SLC17A2: variants seen among roughly 807,000 people sequenced by gnomAD.
The protein encoded by SLC17A2 is sodium-dependent phosphate transport protein 3.
In SLC17A2, 38 loss-of-function variants were observed where a neutral mutation model predicts 52.1. The observed-to-expected ratio is 0.73, with a 90% CI of 0.56 to 0.96. SLC17A2 has a LOEUF of 0.96. Ranked by LOEUF, SLC17A2 falls within the 40% of genes least tolerant of loss-of-function variation. The pLI is 0.00. For synonymous variants in SLC17A2, 226 were observed against 211.9 expected, an observed-to-expected ratio of 1.07 and a Z score of -0.58; for missense variants, 508 against 583.9, an observed-to-expected ratio of 0.87 and a Z score of 1.34.
At chr6:25,918,447 A>G in intron 6 of SLC17A2, 40 bp downstream of exon 6, 1 of 1,388,090 alleles carries the variant, frequency 7.2e-7, no homozygotes, top group Non-Finnish European at 1.0e-6. Context: ...ATGGATGCTC[A>G]GGAAATGGAG....
chr6:25,923,480 T>G lies in SLC17A2; in HGVS notation c.240+215A>C, dbSNP rs147131491. Among the ~76,000 whole-genome samples the G allele has an allele frequency of 7.0e-3, 1,066 of 152,332 alleles. 16 individuals carry two copies. The highest frequency in any genetic ancestry group is 0.023 in the African/African-American group (966 of 41,572). On this transcript the variant is annotated intron_variant, in intron 3 of 11. Coordinates refer to ENST00000377850, the MANE Select transcript of SLC17A2 (RefSeq NM_001286123.3). ...TGTTCCATTTTTAAATTTTTCACAT[T>G]TAACTCTACAGTTCCCCCACCTTAT... is the stretch of plus-strand genomic sequence containing the variant.
intron 11 of SLC17A2, 73 bp downstream of exon 11, chr6:25,914,507 T>C (rs1261102093): frequency 4.3e-6 from 4 of 939,320 alleles, no homozygotes; most frequent in African/African-American, 1.6e-5. Flanking sequence ...TCCAGATCTT[T>C]AGAGCACCGT....
At position 25,915,566 on chromosome 6, in the gene SLC17A2, G is replaced by A. The variant is rs1766278367; in HGVS notation, c.1144C>T (p.Leu382Phe). The change falls in exon 10 of 12, where the codon CTT becomes TTT. Residue 382 changes from leucine (L) to phenylalanine (F), a missense_variant. Coordinates refer to ENST00000377850, the MANE Select transcript of SLC17A2 (RefSeq NM_001286123.3). The stretch of plus-strand genomic sequence containing the variant: ...CATAGGTTACTGGTCCCAGGAATAA[G>A]TATCAGCAAAATAATGGTTATCACG... Reference protein sequence around the residue: ...SYVITIILLILIPGTSNLCDS... With the variant: ...SYVITIILLIFIPGTSNLCDS... 6.2e-7 allele frequency: 1 copy of A among 1,602,590 alleles called. No individual in the cohort carries two copies. Among genetic ancestry groups the A allele is most frequent in the African/African-American group, 1.3e-5 (1 of 74,650 alleles).
intron 6 of SLC17A2, among the ~76,000 whole-genome samples, chr6:25,917,667 T>C (rs1433700862): frequency 6.6e-6 from 1 of 152,246 alleles, no homozygotes; most frequent in Non-Finnish European, 1.5e-5. Context: ...AGGCCAGGAC[T>C]ATATTTAATG....
intron 5 of SLC17A2, 67 bp from the exon 6 acceptor site, chr6:25,918,640 A>G: frequency 1.0e-6 from 1 of 1,002,036 alleles, no homozygotes; most frequent in Non-Finnish European, 1.6e-6. Flanking sequence ...GCCTCCCTAA[A>G]CAATGTCCCA....
intron 2 of SLC17A2, among the ~76,000 whole-genome samples, chr6:25,924,467 T>C (rs1766679308): frequency 6.6e-6 from 1 of 151,994 alleles, no homozygotes; most frequent in Non-Finnish European, 1.5e-5. Flanking sequence ...GAAATGTTAT[T>C]GCTATGTGTC....
At chr6:25,913,870 G>C (rs1766200053) in intron 11 of SLC17A2, among the ~76,000 whole-genome samples, 1 of 151,306 alleles carries the variant, frequency 6.6e-6, no homozygotes, top group South Asian at 2.1e-4. Context: ...AATTCAACAT[G>C]AGTTCTCTTT....
chr6:25,923,537 T>C (rs905583936), intron 3 of SLC17A2, among the ~76,000 whole-genome samples, 158 bp downstream of exon 3: 2 of 152,242 alleles, frequency 1.3e-5, no homozygotes, highest in African/African-American at 4.8e-5. Context: ...ATCTTATTTT[T>C]ATTATTGAAG....
chr6:25,925,611 G>A (rs529709934), intron 2 of SLC17A2, among the ~76,000 whole-genome samples, 158 bp downstream of exon 2: 1 of 152,114 alleles, frequency 6.6e-6, no homozygotes, highest in Non-Finnish European at 1.5e-5. Context: ...GATTTCATGG[G>A]GCTAAGGAAA....
intron 5 of SLC17A2, among the ~76,000 whole-genome samples, chr6:25,919,727 A>AAAAG (rs1766478124): frequency 8.3e-5 from 12 of 144,282 alleles, no homozygotes; most frequent in African/African-American, 3.1e-4. Context: ...AAAAAAAAAA[A>AAAAG]GGTTTAGGAA....
intron 3 of SLC17A2, 80 bp downstream of exon 3, chr6:25,923,615 T>C: frequency 2.8e-6 from 3 of 1,063,246 alleles, no homozygotes; most frequent in Non-Finnish European, 4.3e-6. Context: ...TATACTTCCA[T>C]ACTCCACAGA....
intron 2 of SLC17A2, 90 bp downstream of exon 2, chr6:25,925,679 G>T: frequency 8.4e-7 from 1 of 1,191,626 alleles, no homozygotes; most frequent in Non-Finnish European, 1.3e-6. Context: ...GTATCTTTAC[G>T]AAGGGTCAGT....
At position 25,918,586 on chromosome 6, in the gene SLC17A2, G is replaced by A; in HGVS notation, c.563-13C>T. 2 of 1,585,198 alleles carry A rather than the reference G, an allele frequency of 1.3e-6. No individual in the cohort carries two copies. The highest frequency in any genetic ancestry group is 2.2e-5 in the South Asian group (2 of 90,426). ...CCAAATGCTGACCCTAAAGGAAAAA[G>A]GGAGAAAAACACTTATGAAAATATC... On this transcript the variant is annotated splice_polypyrimidine_tract_variant and intron_variant, in intron 5 of 11. Coordinates refer to ENST00000377850, the MANE Select transcript of SLC17A2 (RefSeq NM_001286123.3).
chr6:25,919,624 C>T (rs746174815), intron 5 of SLC17A2, among the ~76,000 whole-genome samples: 2 of 133,782 alleles, frequency 1.5e-5, no homozygotes, highest in African/African-American at 2.9e-5. Flanking sequence ...GGCGTGAACC[C>T]GGGAGGCGGA....
chr6:25,925,296 G>A (rs1766718431), intron 2 of SLC17A2, among the ~76,000 whole-genome samples: 1 of 152,044 alleles, frequency 6.6e-6, no homozygotes, highest in Admixed American at 6.6e-5. Context: ...GGTGGATCAC[G>A]AGGTCAGGAG....
intron 10 of SLC17A2, among the ~76,000 whole-genome samples, chr6:25,915,149 G>GTATATATATATATATATA (rs59580107): frequency 0.031 from 1,804 of 57,406 alleles, 175 homozygotes; most frequent in African/African-American, 0.046. Context: ...TATTGTGACT[G>GTATATATATATATATATA]TATATATATA....
intron 11 of SLC17A2, 102 bp from the exon 12 acceptor site, chr6:25,913,553 T>C: frequency 8.6e-7 from 1 of 1,157,488 alleles, no homozygotes; most frequent in Non-Finnish European, 1.2e-6. Flanking sequence ...TCACAAGGAA[T>C]ATAAGGAACA....
chr6:25,914,173 A>G (rs1766211380), intron 11 of SLC17A2, among the ~76,000 whole-genome samples: 1 of 152,182 alleles, frequency 6.6e-6, no homozygotes, highest in South Asian at 2.1e-4. Context: ...AAACTGGCCT[A>G]GGACACTTTG....
rs1334647652 is a variant in SLC17A2, at chr6:25,913,401, G to A, written c.1353C>T (p.Asn451=). 1.2e-6 allele frequency: 2 copies of A among 1,614,072 alleles called. No homozygotes were observed. Among genetic ancestry groups the A allele is most frequent in the South Asian group, 1.1e-5 (1 of 91,078 alleles). Residue 451 remains asparagine, a synonymous_variant, in exon 12 of 12, where the codon AAC becomes AAT. Transcript: ENST00000377850. ...RNVFFLSAAV[N]MFGLVFYLTF... Reference sequence around the variant, plus strand: ...TGAGGTAAAAGACCAGGCCAAACATGTTGACTGCAGCAGACAGGAAAAAGA... The same window carrying A: ...TGAGGTAAAAGACCAGGCCAAACATATTGACTGCAGCAGACAGGAAAAAGA...
Sources: gnomAD v4.1 joint callset for allele counts (sites outside exome capture counted in the v4.1 genomes callset) on GRCh38, gnomAD v4.1.1 for gene constraint, MANE v1.5 for transcripts, NCBI Gene and HGNC (gene_info 2026-07-23, HGNC 2026-07-21) for gene names.